Variants in UMAD1 observed in about 807,000 individuals in gnomAD.
UMAD1 encodes UBAP1-MVB12-associated (UMA) domain containing 1.
UMAD1 carries 8 observed loss-of-function variants against 6.1 expected under a neutral mutation model. The ratio of observed to expected loss-of-function variants is 1.30; its 90% confidence interval spans 0.76 to 2.35. The LOEUF (loss-of-function observed/expected upper bound fraction) is 2.35. UMAD1 is among the 30% of genes most tolerant of loss of function. The pLI is 0.00. For synonymous variants in UMAD1, 56 were observed against 31.4 expected (o/e 1.78, Z -2.61); for missense variants, 130 against 78.4 (o/e 1.66, Z -2.49).
At chr7:7,643,204 C>T (rs373660408) in intron 1 of UMAD1, among the ~76,000 whole-genome samples, 1 of 152,052 alleles carries the variant, frequency 6.6e-6, no homozygotes, top group Non-Finnish European at 1.5e-5. Flanking sequence ...AATGTAGACC[C>T]GAGGGAGAAA....
chr7:7,858,953 T>G (rs1784066992), intron 3 of UMAD1, among the ~76,000 whole-genome samples: 1 of 152,138 alleles, frequency 6.6e-6, no homozygotes, highest in South Asian at 2.1e-4. Flanking sequence ...AACAAAAAAT[T>G]TTAAAGAACA....
intron 2 of UMAD1, among the ~76,000 whole-genome samples, chr7:7,739,599 A>G (rs1398800471): frequency 6.6e-6 from 1 of 152,186 alleles, no homozygotes; most frequent in Non-Finnish European, 1.5e-5. Flanking sequence ...AAACTGTTTG[A>G]TGTTCCTAGT....
At chr7:7,769,805 A>G (rs752127912) in intron 2 of UMAD1, among the ~76,000 whole-genome samples, 2 of 152,160 alleles carry the variant, frequency 1.3e-5, no homozygotes, top group Non-Finnish European at 2.9e-5. Context: ...ACTAAATTGC[A>G]CTGGCCCTGG....
intron 3 of UMAD1, among the ~76,000 whole-genome samples, chr7:7,875,724 A>G (rs1217770263): frequency 2.0e-5 from 3 of 152,210 alleles, no homozygotes; most frequent in African/African-American, 7.2e-5. Context: ...AAAAAGCCCA[A>G]TAAATCTTTA....
intron 3 of UMAD1, among the ~76,000 whole-genome samples, chr7:7,861,658 A>G (rs1372510704): frequency 6.6e-6 from 1 of 152,210 alleles, no homozygotes; most frequent in Admixed American, 6.5e-5. Context: ...ATGAAAACAC[A>G]CAGTTGTGTA....
intron 2 of UMAD1, among the ~76,000 whole-genome samples, chr7:7,690,170 G>C (rs1249228766): frequency 1.3e-5 from 2 of 152,158 alleles, no homozygotes; most frequent in African/African-American, 4.8e-5. Context: ...CAATTCTGCT[G>C]ATGATAATGT....
rs148183996 is a variant in UMAD1 at position 7,660,090 on chromosome 7, A to C, written c.-63-13219A>C. On this transcript the variant is annotated intron_variant, in intron 1 of 3. Transcript: ENST00000682710. The stretch of plus-strand genomic sequence containing the variant: ...TGTCTCTTTTGATCTTTGTTGGTTT[A>C]AAGTCTGTTTTATCAGAGACTACGA... Among the ~76,000 whole-genome samples the C allele has an allele frequency of 5.3e-3, 809 of 152,264 alleles. 3 individuals carry two copies. The highest frequency in any genetic ancestry group is 7.7e-3 in the Admixed American group (118 of 15,296).
chr7:7,789,335 TAAC>T (rs1782519148), intron 2 of UMAD1, among the ~76,000 whole-genome samples: 1 of 152,186 alleles, frequency 6.6e-6, no homozygotes, highest in South Asian at 2.1e-4. Context: ...TTTATTAAAA[TAAC>T]AATGTGAATA....
chr7:7,646,772 C>G lies in UMAD1; in HGVS notation c.-64+5951C>G, dbSNP rs927297724. The stretch of plus-strand genomic sequence containing the variant: ...TCTGACCGTCCCCAGCCAAACTCCC[C>G]TCGACACTCAGATGCTTCCTCTCTT... On this transcript the variant is annotated intron_variant, in intron 1 of 3. Transcript: ENST00000682710. 2.0e-5 allele frequency among the ~76,000 whole-genome samples: 3 copies of G among 152,042 alleles called. No individual in the cohort carries two copies. The East Asian group carries it at 5.8e-4, about 29-fold the overall frequency.
chr7:7,683,079 G>A (rs1779952518), intron 2 of UMAD1, among the ~76,000 whole-genome samples: 1 of 152,192 alleles, frequency 6.6e-6, no homozygotes, highest in South Asian at 2.1e-4. Flanking sequence ...GCAATTGCAT[G>A]AAGGAAGAGG....
chr7:7,737,347 A>G (rs1259400621), intron 2 of UMAD1, among the ~76,000 whole-genome samples: 2 of 152,218 alleles, frequency 1.3e-5, no homozygotes, highest in Non-Finnish European at 2.9e-5. Context: ...TATGTAAACT[A>G]AAATACCAGC....
intron 1 of UMAD1, among the ~76,000 whole-genome samples, chr7:7,667,665 G>A (rs1052906441): frequency 6.6e-6 from 1 of 152,190 alleles, no homozygotes; most frequent in Non-Finnish European, 1.5e-5. Context: ...TGTCTTCACA[G>A]CATAGAGCTG....
chr7:7,771,114 G>GT (rs1782090897), intron 2 of UMAD1, among the ~76,000 whole-genome samples: 1 of 141,612 alleles, frequency 7.1e-6, no homozygotes, highest in African/African-American at 2.5e-5. Flanking sequence ...TTAGATGGAG[G>GT]TTTTTGTTAG....
At chr7:7,753,569 C>G (rs2115222385) in intron 2 of UMAD1, among the ~76,000 whole-genome samples, 1 of 152,284 alleles carries the variant, frequency 6.6e-6, no homozygotes, top group Non-Finnish European at 1.5e-5. Context: ...ATAATGACTT[C>G]CAGTTCTATC....
At chr7:7,777,810 T>A (rs6961088) in intron 2 of UMAD1, among the ~76,000 whole-genome samples, 76,973 of 151,518 alleles carry the variant, frequency 0.51, 19,779 homozygotes, top group African/African-American at 0.59. Flanking sequence ...AAAAGCTCCT[T>A]TTCAATATAG....
rs535378615 is a variant in UMAD1 at position 7,784,796 on chromosome 7, G to C, written c.83-16874G>C. On this transcript the variant is annotated intron_variant, in intron 2 of 3. Transcript: ENST00000682710. ...TTTTTTTTTGAGACGGAGTCTTGCTGTGTCGCCCAGGCTGGAGTGCAGTGG... is the reference window on the plus strand; with the variant it reads ...TTTTTTTTTGAGACGGAGTCTTGCTCTGTCGCCCAGGCTGGAGTGCAGTGG... 3.7e-3 allele frequency among the ~76,000 whole-genome samples: 355 copies of C among 94,706 alleles called. 3 individuals are homozygous for C. The highest frequency in any genetic ancestry group is 0.017 in the African/African-American group (324 of 18,764). 62.1% of individuals were successfully genotyped at this position (94,706 alleles called of 152,430 possible).
intron 2 of UMAD1, among the ~76,000 whole-genome samples, chr7:7,731,547 A>G (rs957107026): frequency 6.7e-5 from 10 of 149,128 alleles, no homozygotes; most frequent in Non-Finnish European, 3.0e-5. Context: ...AGATTGGCTC[A>G]TTTTGCATTC....
chr7:7,783,585 C>A (rs553170922), intron 2 of UMAD1, among the ~76,000 whole-genome samples: 6 of 152,202 alleles, frequency 3.9e-5, no homozygotes, highest in Admixed American at 3.9e-4. Context: ...TCAAAGGCTG[C>A]TTCCAGGTCT....
intron 1 of UMAD1, among the ~76,000 whole-genome samples, chr7:7,664,820 T>G (rs1413714776): frequency 6.6e-6 from 1 of 152,238 alleles, no homozygotes; most frequent in Non-Finnish European, 1.5e-5. Context: ...TCCTCTGTAC[T>G]GTATTGGTAT....
Sources: allele counts gnomAD v4.1 joint callset (sites outside exome capture counted in the v4.1 genomes callset), GRCh38; gene constraint gnomAD v4.1.1; transcripts MANE v1.5; gene names NCBI Gene and HGNC (gene_info 2026-07-23, HGNC 2026-07-21).